WRN: variants seen among roughly 807,000 people sequenced by gnomAD.
The protein encoded by WRN is WRN RecQ like helicase, also known as bifunctional 3'-5' exonuclease/ATP-dependent helicase WRN.
A neutral mutation model predicts 180.7 loss-of-function variants in WRN; 149 were observed. The observed-to-expected ratio is 0.82, with a 90% CI of 0.72 to 0.94. The LOEUF (loss-of-function observed/expected upper bound fraction) is 0.94, where lower values mean the gene tolerates loss of function less well. Ranked by LOEUF, WRN falls within the 40% of genes least tolerant of loss-of-function variation. WRN has a pLI of 0.00. For missense variants in WRN, 1,661 were observed against 1,700.1 expected (o/e 0.98, Z 0.40); for synonymous variants, 548 against 568.9 (o/e 0.96, Z 0.52).
chr8:31,167,055 T>C lies in WRN; in HGVS notation c.4016T>C (p.Val1339Ala). 1 of 1,613,244 alleles carries C rather than the reference T, an allele frequency of 6.2e-7. No homozygotes were observed. Among genetic ancestry groups the C allele is most frequent in the Non-Finnish European group, 8.5e-7 (1 of 1,179,414 alleles). The change falls in exon 34 of 35, where the codon GTT becomes GCT. Residue 1339 changes from valine to alanine, a missense_variant. This residue lies in a region of WRN where 1,141 missense variants were observed against 1,149.4 expected (regional missense o/e 0.99). Coordinates refer to ENST00000298139, the MANE Select transcript of WRN (RefSeq NM_000553.6). ...MSKISLIRML[V>A]PENIDTYLIH... ...AAAATTAGCCTAATCAGAATGTTAGTTCCTGAAAACATTGACACGTACCTT... is the reference window on the plus strand; with the variant it reads ...AAAATTAGCCTAATCAGAATGTTAGCTCCTGAAAACATTGACACGTACCTT...
chr8:31,036,397 G>A (rs886279051), intron 1 of WRN, among the ~76,000 whole-genome samples: 5 of 152,156 alleles, frequency 3.3e-5, no homozygotes, highest in African/African-American at 1.2e-4. Flanking sequence ...TGGATTTGCT[G>A]GACCCGCTTG....
intron 21 of WRN, 34 bp downstream of exon 21, chr8:31,120,458 T>C (rs1801683695): frequency 6.4e-7 from 1 of 1,573,096 alleles, no homozygotes; most frequent in South Asian, 1.1e-5. Context: ...CTCTTGCAGA[T>C]TTCTTTCTTT....
At chr8:31,105,343 CCTG>C (rs1329174007) in intron 18 of WRN, among the ~76,000 whole-genome samples, 1 of 152,160 alleles carries the variant, frequency 6.6e-6, no homozygotes, top group Non-Finnish European at 1.5e-5. Flanking sequence ...TTCTCAGCCT[CCTG>C]TTCCTTCTCA....
At chr8:31,039,337 G>A (rs1811561990) in intron 1 of WRN, among the ~76,000 whole-genome samples, 1 of 152,040 alleles carries the variant, frequency 6.6e-6, no homozygotes, top group Admixed American at 6.6e-5. Flanking sequence ...TATTGTAAAT[G>A]CAGTTACTTT....
intron 18 of WRN, among the ~76,000 whole-genome samples, chr8:31,104,017 A>G (rs1448524886): frequency 6.6e-6 from 1 of 152,190 alleles, no homozygotes; most frequent in Admixed American, 6.5e-5. Flanking sequence ...TACAGGCGTG[A>G]GCCACTGCGC....
chr8:31,099,038 A>G (rs1051009271), intron 17 of WRN, among the ~76,000 whole-genome samples: 2 of 151,586 alleles, frequency 1.3e-5, no homozygotes, highest in Admixed American at 6.6e-5. Context: ...TGAGCTGAGC[A>G]TGGTACCTGT....
At chr8:31,120,559 A>G in intron 21 of WRN, 135 bp downstream of exon 21, 3 of 921,072 alleles carry the variant, frequency 3.3e-6, no homozygotes, top group Non-Finnish European at 4.7e-6. Flanking sequence ...AAAAAAAAGA[A>G]AAATAAAACC....
At chr8:31,046,624 G>A (rs1416045671) in intron 1 of WRN, among the ~76,000 whole-genome samples, 1 of 152,144 alleles carries the variant, frequency 6.6e-6, no homozygotes, top group African/African-American at 2.4e-5. Flanking sequence ...CCTCAGTGGA[G>A]GGCAGAAATT....
At position 31,080,988 on chromosome 8, in the gene WRN, G is replaced by T. The variant is rs779012596; in HGVS notation, c.961G>T (p.Glu321Ter). The change falls in exon 9 of 35, where the codon GAA (glutamate) becomes TAA (stop). Residue 321 changes from glutamate (E) to a stop codon, truncating the protein, a stop_gained. Coordinates refer to ENST00000298139, the MANE Select transcript of WRN (RefSeq NM_000553.6). LOFTEE classifies it high-confidence loss of function. ...PSNNLNLLSF[E>*]DSTTGGVQQK... ...CAATAATTTAAACTTATTATCCTTT[G>T]AAGATTCAACTACTGGGGGAGTACA... The T allele has an allele frequency of 1.2e-6, 2 of 1,613,932 alleles. No homozygotes were observed. The highest frequency in any genetic ancestry group is 3.3e-5 in the Admixed American group (2 of 60,004).
chr8:31,120,558 A>T lies in WRN; in HGVS notation c.2630+134A>T, dbSNP rs1202878156. On this transcript the variant is annotated intron_variant, in intron 21 of 34. Coordinates refer to ENST00000298139, the MANE Select transcript of WRN (RefSeq NM_000553.6). ...ATTTAAAGTAAAAAAAAAAAAAAAG[A>T]AAAATAAAACCTCCCCAAATCCAGA... 10 of 900,226 alleles carry T rather than the reference A, an allele frequency of 1.1e-5. No homozygotes were observed. The African/African-American group carries it at 1.7e-4, about 16-fold the overall frequency. The allele number at this position is 900,226 out of a possible 1,614,324, so 55.8% of individuals were successfully genotyped here.
At chr8:31,096,689 G>C (rs1029939296) in intron 16 of WRN, 79 bp from the exon 17 acceptor site, 5 of 1,148,104 alleles carry the variant, frequency 4.4e-6, no homozygotes, top group Non-Finnish European at 6.2e-6. Context: ...AATTCCTTGA[G>C]ATGATTGTTT....
At chr8:31,070,700 G>A (rs1812883373) in intron 7 of WRN, among the ~76,000 whole-genome samples, 1 of 151,852 alleles carries the variant, frequency 6.6e-6, no homozygotes, top group Admixed American at 6.6e-5. Context: ...AAATATTCTA[G>A]AATATTTCCT....
intron 16 of WRN, among the ~76,000 whole-genome samples, chr8:31,096,441 G>T (rs1813980968): frequency 6.6e-6 from 1 of 152,100 alleles, no homozygotes; most frequent in South Asian, 2.1e-4. Context: ...TTATATTAAG[G>T]ATAAAGGAAT....
chr8:31,102,611 A>G (rs2737328), intron 18 of WRN, among the ~76,000 whole-genome samples: 152,152 of 152,306 alleles, frequency 1, 75,999 homozygotes, highest in Non-Finnish European at 1. Flanking sequence ...TGTAGAAAAG[A>G]CACAGTAAAA....
chr8:31,058,513 G>C lies in WRN; in HGVS notation c.66G>C (p.Gln22His), dbSNP rs1812361355. The C allele has an allele frequency of 6.2e-7, 1 of 1,613,668 alleles. No homozygotes were observed. The highest frequency in any genetic ancestry group is 1.3e-5 in the African/African-American group (1 of 74,906). Reference sequence around the variant, plus strand: ...AATGTCCTGAATGGATGAATGTGCAGAATAAAAGATGTGCTGTAGAAGAAA... The same window carrying C: ...AATGTCCTGAATGGATGAATGTGCACAATAAAAGATGTGCTGTAGAAGAAA... ...QRKCPEWMNV[Q>H]NKRCAVEERK... is the part of the protein sequence containing the mutation. The change falls in exon 2 of 35, where the codon CAG (glutamine) becomes CAC (histidine). Residue 22 changes from glutamine to histidine, a missense_variant. Physicochemically the swap from Gln to His is conservative, Grantham distance 24. This residue lies in a region of WRN where 500 missense variants were observed against 504.1 expected (regional missense o/e 0.99). Coordinates refer to ENST00000298139, the MANE Select transcript of WRN (RefSeq NM_000553.6).
intron 8 of WRN, among the ~76,000 whole-genome samples, chr8:31,077,146 C>A (rs549074984): frequency 2.6e-5 from 4 of 152,318 alleles, no homozygotes; most frequent in Admixed American, 1.3e-4. Flanking sequence ...AGATTTAAAA[C>A]CATGATATAT....
chr8:31,066,957 A>T, intron 5 of WRN, 76 bp from the exon 6 acceptor site: 1 of 1,549,598 alleles, frequency 6.5e-7, no homozygotes, highest in South Asian at 1.1e-5. Context: ...TATTTGTGGT[A>T]TGTTCATTTG....
intron 11 of WRN, 137 bp from the exon 12 acceptor site, chr8:31,087,639 C>T (rs995675814): frequency 2.4e-6 from 2 of 817,300 alleles, no homozygotes; most frequent in Non-Finnish European, 4.0e-6. Context: ...CACACATGTT[C>T]TTTTGTAGTA....
chr8:31,084,428 CTTTT>C (rs1165181965), intron 10 of WRN, among the ~76,000 whole-genome samples: 1 of 152,036 alleles, frequency 6.6e-6, no homozygotes, highest in Non-Finnish European at 1.5e-5. Context: ...AAAAAAAGAA[CTTTT>C]TTCCTAGTAA....
Sources: gnomAD v4.1 joint callset for allele counts (sites outside exome capture counted in the v4.1 genomes callset) on GRCh38, gnomAD v4.1.1 for gene constraint, gnomAD v4.1.1 regional missense constraint, MANE v1.5 for transcripts, NCBI Gene and HGNC (gene_info 2026-07-23, HGNC 2026-07-21) for gene names.